The following KCNMA1 variants were observed in gnomAD, a reference collection of about 807,000 sequenced individuals.
KCNMA1 encodes the protein potassium calcium-activated channel subfamily M alpha 1.
Under a neutral mutation model 140.0 loss-of-function variants are expected in KCNMA1, and 29 were observed. That is an observed-to-expected ratio of 0.21 (90% CI 0.15 to 0.28). The LOEUF is 0.28. Ranked by LOEUF, KCNMA1 falls within the 10% of genes least tolerant of loss-of-function variation. The pLI is 1.00. For synonymous variants in KCNMA1, 612 were observed against 611.9 expected, an observed-to-expected ratio of 1.00 and a Z score of 0.00; for missense variants, 880 against 1,602.2, an observed-to-expected ratio of 0.55 and a Z score of 7.70.
chr10:77,199,028 G>A (rs1403470675), intron 3 of KCNMA1, among the ~76,000 whole-genome samples: 2 of 152,018 alleles, frequency 1.3e-5, no homozygotes, highest in East Asian at 1.9e-4. Flanking sequence ...ACTGAAACTT[G>A]AGCACCACCC....
chr10:77,458,817 A>G (rs2097801893), intron 1 of KCNMA1, among the ~76,000 whole-genome samples: 1 of 152,220 alleles, frequency 6.6e-6, no homozygotes, highest in Admixed American at 6.5e-5. Context: ...ACATTGAGCT[A>G]TCTACATTTA....
At chr10:77,444,020 T>G (rs946109328) in intron 1 of KCNMA1, among the ~76,000 whole-genome samples, 2 of 152,208 alleles carry the variant, frequency 1.3e-5, no homozygotes, top group African/African-American at 4.8e-5. Flanking sequence ...CATGTACATA[T>G]GTACATTTAT....
chr10:77,426,204 TGAAAA>T (rs1030818983), intron 1 of KCNMA1, among the ~76,000 whole-genome samples: 13 of 152,198 alleles, frequency 8.5e-5, no homozygotes, highest in Non-Finnish European at 1.6e-4. Context: ...ATGACAGAGA[TGAAAA>T]GAAGAAGATC....
At position 76,891,482 on chromosome 10, in the gene KCNMA1, T is replaced by C; in HGVS notation, c.3342+43A>G. On this transcript the variant is annotated intron_variant, in intron 26 of 27. Transcript: ENST00000286628. Reference sequence around the variant, plus strand: ...ACCACGTTCTTCAGGATCAAGCTTTTCCCAAACAGCAAGCTCAGGTGACCT... The same window carrying C: ...ACCACGTTCTTCAGGATCAAGCTTTCCCCAAACAGCAAGCTCAGGTGACCT... The C allele has an allele frequency of 2.0e-6, 3 of 1,537,714 alleles. No individual in the cohort carries two copies. The East Asian group carries it at 6.8e-5, about 35-fold the overall frequency.
chr10:77,502,332 C>T (rs781596412), intron 1 of KCNMA1, among the ~76,000 whole-genome samples: 3 of 152,264 alleles, frequency 2.0e-5, no homozygotes, highest in South Asian at 4.2e-4. Context: ...CTTAGGAAGA[C>T]GAGGAGACGG....
At chr10:77,225,404 C>T (rs1044239256) in intron 3 of KCNMA1, among the ~76,000 whole-genome samples, 2 of 152,134 alleles carry the variant, frequency 1.3e-5, no homozygotes, top group African/African-American at 2.4e-5. Flanking sequence ...TGAAACATGA[C>T]TCATCTTTCT....
chr10:77,584,405 A>C (rs1270023497), intron 1 of KCNMA1, among the ~76,000 whole-genome samples: 2 of 152,168 alleles, frequency 1.3e-5, no homozygotes, highest in African/African-American at 4.8e-5. Flanking sequence ...GCCAGGCTGG[A>C]GTGCACTGGC....
chr10:77,217,639 A>G, intron 3 of KCNMA1: 2 of 420,720 alleles, frequency 4.8e-6, no homozygotes, highest in Non-Finnish European at 9.8e-6. Flanking sequence ...GGAGAAAAAA[A>G]GTGGTATGAA....
rs770715910 is a variant in KCNMA1 at position 77,079,462 on chromosome 10, C to A, written c.1593+19G>T. 1 of 1,562,280 alleles carries A rather than the reference C, an allele frequency of 6.4e-7. No individual in the cohort carries two copies. The highest frequency in any genetic ancestry group is 8.8e-7 in the Non-Finnish European group (1 of 1,133,478). ...TGTGGATGGGTCTTCAGACCTGGAG[C>A]GGGCTCTCGCACTCCTACCTTGTTG... On this transcript the variant is annotated intron_variant, in intron 13 of 27. Transcript: ENST00000286628.
intron 19 of KCNMA1, among the ~76,000 whole-genome samples, chr10:76,997,103 G>A (rs183442926): frequency 2.0e-5 from 3 of 152,172 alleles, no homozygotes; most frequent in Admixed American, 1.3e-4. Flanking sequence ...TTAATTCTCT[G>A]TCTGCACAAA....
chr10:76,926,620 G>T (rs1185121725), intron 23 of KCNMA1, among the ~76,000 whole-genome samples: 2 of 152,246 alleles, frequency 1.3e-5, no homozygotes, highest in Admixed American at 6.5e-5. Context: ...AAATGAGGTT[G>T]TAGCAATGTC....
At chr10:76,904,167 T>C (rs1374396484) in intron 25 of KCNMA1, 1 of 152,232 alleles carries the variant, frequency 6.6e-6, no homozygotes, top group Non-Finnish European at 1.5e-5. Context: ...AGTAACATCA[T>C]TCCCATTTAA....
chr10:77,329,007 A>C (rs1182391201), intron 2 of KCNMA1, among the ~76,000 whole-genome samples: 1 of 151,710 alleles, frequency 6.6e-6, no homozygotes, highest in Non-Finnish European at 1.5e-5. Flanking sequence ...TGCCCGGCTA[A>C]TTTTTTGTAT....
In KCNMA1 at chr10:77,186,377, A is replaced by C. The variant is rs551899562; in HGVS notation, c.603-1461T>G. 4.2e-5 allele frequency among the ~76,000 whole-genome samples: 6 copies of C among 141,488 alleles called. No homozygotes were observed. In the South Asian group the frequency reaches 1.1e-3, roughly 26 times the overall value. 92.8% of individuals were successfully genotyped at this position (141,488 alleles called of 152,430 possible). A position where few individuals can be genotyped will look rare whatever the true frequency, so the allele number is the denominator to read the frequency against. ...AAAACAGTTCAAAAAAAAACAAAAA[A>C]CAAAAAAAAACGACAATTGCCAGGT... On this transcript the variant is annotated intron_variant, in intron 3 of 27. Transcript: ENST00000286628.
At chr10:76,938,551 C>T (rs917392904) in intron 23 of KCNMA1, among the ~76,000 whole-genome samples, 36 of 152,170 alleles carry the variant, frequency 2.4e-4, no homozygotes, top group African/African-American at 7.7e-4. Flanking sequence ...ATCCATCTCC[C>T]TAAAGCTCAG....
Position 77,136,956 on chromosome 10 carries a change from C to T in KCNMA1, c.809-15908G>A, listed in dbSNP as rs75267617. 9.9e-3 allele frequency among the ~76,000 whole-genome samples: 1,501 copies of T among 152,250 alleles called. 69 individuals are homozygous for T. In the East Asian group the frequency reaches 0.14, roughly 14 times the overall value. ...GGACCCCCTGCCAGAGCTTTCCCTTCGAAACTTGCTGCCCAGGGCCTGAAC... is the reference window on the plus strand; with the variant it reads ...GGACCCCCTGCCAGAGCTTTCCCTTTGAAACTTGCTGCCCAGGGCCTGAAC... On this transcript the variant is annotated intron_variant, in intron 5 of 27. Coordinates refer to ENST00000286628, the MANE Select transcript of KCNMA1 (RefSeq NM_001161352.2).
intron 22 of KCNMA1, among the ~76,000 whole-genome samples, chr10:76,948,058 G>A (rs1413697564): frequency 6.6e-6 from 1 of 152,086 alleles, no homozygotes; most frequent in Non-Finnish European, 1.5e-5. Context: ...AGGCTGGAGT[G>A]CAGTGGTGCT....
intron 1 of KCNMA1, among the ~76,000 whole-genome samples, chr10:77,622,812 C>A (rs999463802): frequency 6.6e-6 from 1 of 152,094 alleles, no homozygotes; most frequent in Non-Finnish European, 1.5e-5. Context: ...ATAGTAACTC[C>A]AATTCCCACA....
chr10:76,949,097 G>T, intron 22 of KCNMA1, 45 bp downstream of exon 22: 1 of 1,391,166 alleles, frequency 7.2e-7, no homozygotes, highest in Non-Finnish European at 1.0e-6. Flanking sequence ...TTTCTTTTGT[G>T]AATGAAAAGA....
Sources: allele counts gnomAD v4.1 joint callset (sites outside exome capture counted in the v4.1 genomes callset), GRCh38; gene constraint gnomAD v4.1.1; transcripts MANE v1.5; gene names NCBI Gene and HGNC (gene_info 2026-07-23, HGNC 2026-07-21).